BCAS3: variants seen among roughly 807,000 people sequenced by gnomAD.
The protein encoded by BCAS3 is BCAS3 microtubule associated cell migration factor, also known as BCAS4/BCAS3 fusion.
Under a neutral mutation model 116.1 loss-of-function variants are expected in BCAS3, and 53 were observed. The ratio of observed to expected loss-of-function variants is 0.46; its 90% CI spans 0.37 to 0.57. The LOEUF (loss-of-function observed/expected upper bound fraction) is 0.57. Ranked by LOEUF, BCAS3 falls within the 20% of genes least tolerant of loss-of-function variation. BCAS3 has a pLI of 0.00. For missense variants in BCAS3, 917 were observed against 1,165.4 expected, an observed-to-expected ratio of 0.79 and a Z score of 3.10; for synonymous variants, 391 against 408.2, an observed-to-expected ratio of 0.96 and a Z score of 0.51.
intron 22 of BCAS3, among the ~76,000 whole-genome samples, chr17:61,154,610 CTT>C (rs1294604736): frequency 1.3e-5 from 2 of 151,774 alleles, no homozygotes; most frequent in Non-Finnish European, 2.9e-5. Flanking sequence ...AATTTTTTTA[CTT>C]TTTATTTTTT....
intron 22 of BCAS3, among the ~76,000 whole-genome samples, chr17:61,345,721 G>A (rs1434331163): frequency 2.0e-5 from 3 of 152,076 alleles, no homozygotes; most frequent in African/African-American, 4.8e-5. Context: ...GACTTAGTGA[G>A]GGTGTTAGAG....
chr17:61,235,939 TCAAA>T lies in BCAS3; in HGVS notation c.2426-132383_2426-132380del, dbSNP rs907391204. On this transcript the variant is annotated intron_variant, in intron 22 of 23. Transcript: ENST00000407086. The surrounding 1 kb of genome is among the most constrained non-coding windows in gnomAD (Gnocchi z 5.0). ...TAGCCTGTGCTGTTTTTGAACATAC[TCAAA>T]CAAAGGCTGATTATCCAAACAAGAA... Among the ~76,000 whole-genome samples the T allele has an allele frequency of 2.0e-5, 3 of 152,222 alleles. No homozygotes were observed. The highest frequency in any genetic ancestry group is 2.9e-5 in the Non-Finnish European group (2 of 68,040).
At chr17:60,978,444 T>C (rs56337808) in intron 14 of BCAS3, among the ~76,000 whole-genome samples, 8,389 of 147,876 alleles carry the variant, frequency 0.057, 746 homozygotes, top group African/African-American at 0.2. Context: ...TTCTCCCATT[T>C]TGTAGGTTGC....
At chr17:60,819,750 C>A (rs2049760956) in intron 7 of BCAS3, among the ~76,000 whole-genome samples, 1 of 151,978 alleles carries the variant, frequency 6.6e-6, no homozygotes, top group East Asian at 1.9e-4. Context: ...CTACCCTCCC[C>A]CTCTCCTTCC....
At position 61,139,306 on chromosome 17, in the gene BCAS3, CTTT is replaced by C. The variant is rs2143925767; in HGVS notation, c.2425+54743_2425+54745del. ...TTTTTCTTCATTTCCTGATTTGCTT[CTTT>C]AAGGAAGTGCGAGAAGGTTAAAGAT... On this transcript the variant is annotated intron_variant, in intron 22 of 23. Coordinates refer to ENST00000407086, the MANE Select transcript of BCAS3 (RefSeq NM_017679.5). This position sits in a 1 kb window ranked among gnomAD's most constrained non-coding sequence, Gnocchi z 4.7. Among the ~76,000 whole-genome samples the C allele has an allele frequency of 6.6e-6, 1 of 152,212 alleles. No homozygotes were observed. Among genetic ancestry groups the C allele is most frequent in the Admixed American group, 6.5e-5 (1 of 15,288 alleles).
At chr17:61,290,828 T>G (rs536933727) in intron 22 of BCAS3, among the ~76,000 whole-genome samples, 1 of 152,280 alleles carries the variant, frequency 6.6e-6, no homozygotes, top group South Asian at 2.1e-4. Context: ...TTGCCCAGGC[T>G]GGAGTGCAGT....
At position 61,282,282 on chromosome 17, in the gene BCAS3, T is replaced by C. The variant is rs1442381271; in HGVS notation, c.2426-86045T>C. On this transcript the variant is annotated intron_variant, in intron 22 of 23. Coordinates refer to ENST00000407086, the MANE Select transcript of BCAS3 (RefSeq NM_017679.5). This position sits in a 1 kb window ranked among gnomAD's most constrained non-coding sequence, Gnocchi z 5.9. The stretch of plus-strand genomic sequence containing the variant: ...GCTCATAAATGTGGGGTTTTCTTTA[T>C]TGCTTCTTTGGGAATACCTTACCGA... Among the ~76,000 whole-genome samples, 2 of 152,242 alleles carry C rather than the reference T, an allele frequency of 1.3e-5. No homozygotes were observed. Among genetic ancestry groups the C allele is most frequent in the Non-Finnish European group, 2.9e-5 (2 of 68,052 alleles).
intron 5 of BCAS3, among the ~76,000 whole-genome samples, chr17:60,739,924 T>G (rs1250135973): frequency 2.0e-5 from 3 of 152,030 alleles, no homozygotes; most frequent in Non-Finnish European, 4.4e-5. Context: ...CTTCACTCTC[T>G]TCTTGCTTGC....
chr17:60,997,301 A>T (rs2063907945), intron 15 of BCAS3, among the ~76,000 whole-genome samples: 1 of 152,190 alleles, frequency 6.6e-6, no homozygotes, highest in Admixed American at 6.5e-5. Flanking sequence ...CCTTGTGTAA[A>T]AGACATATGT....
intron 22 of BCAS3, among the ~76,000 whole-genome samples, chr17:61,271,929 C>T (rs1037878550): frequency 6.7e-6 from 1 of 149,310 alleles, no homozygotes; most frequent in African/African-American, 2.6e-5. Flanking sequence ...TCTGCCGCAG[C>T]TTCTCAAGTT....
intron 22 of BCAS3, among the ~76,000 whole-genome samples, chr17:61,306,747 T>C (rs1441861177): frequency 2.2e-4 from 34 of 152,124 alleles, no homozygotes; most frequent in Admixed American, 2.2e-3. Flanking sequence ...TGAGCTGTGA[T>C]TGCACCACTG....
intron 14 of BCAS3, among the ~76,000 whole-genome samples, chr17:60,986,306 G>A (rs1300964341): frequency 6.6e-6 from 1 of 152,164 alleles, no homozygotes; most frequent in Non-Finnish European, 1.5e-5. Flanking sequence ...AAACATGGGA[G>A]TGCAGATATC....
intron 22 of BCAS3, among the ~76,000 whole-genome samples, chr17:61,360,590 CTG>C (rs2058401423): frequency 6.6e-6 from 1 of 152,200 alleles, no homozygotes. Context: ...TAACTCACAT[CTG>C]TCTTTGTCTT....
rs1472665001 is a variant in BCAS3, at chr17:61,379,673, G to C, written c.2593+11179G>C. Reference sequence around the variant, plus strand: ...CACTGCATAAGACATTTTTTAATTTGCTGGCAAAATCCCCCAGCACCAGGC... The same window carrying C: ...CACTGCATAAGACATTTTTTAATTTCCTGGCAAAATCCCCCAGCACCAGGC... On this transcript the variant is annotated intron_variant, in intron 23 of 23. Transcript: ENST00000407086. This position sits in a 1 kb window ranked among gnomAD's most constrained non-coding sequence, Gnocchi z 5.5. 6.6e-6 allele frequency: 1 copy of C among 152,174 alleles called. No individual in the cohort carries two copies. The highest frequency in any genetic ancestry group is 1.9e-4 in the East Asian group (1 of 5,180). 9.4% of individuals were successfully genotyped at this position (152,174 alleles called of 1,614,324 possible).
In BCAS3 at chr17:60,910,660, C is replaced by A; in HGVS notation, c.951C>A (p.Gly317=). The A allele has an allele frequency of 6.2e-6, 10 of 1,612,580 alleles. No homozygotes were observed. Among genetic ancestry groups the A allele is most frequent in the Non-Finnish European group, 8.5e-6 (10 of 1,179,318 alleles). ...SNSRRSPLVP[G]IITVIDTETV... The stretch of plus-strand genomic sequence containing the variant: ...CACGGCGGAGTCCTTTGGTCCCAGG[C>A]ATCATCACAGTTATTGACACCGAAA... The change falls in exon 12 of 24, where the codon GGC becomes GGA. Residue 317 remains glycine (G), a synonymous_variant. Coordinates refer to ENST00000407086, the MANE Select transcript of BCAS3 (RefSeq NM_017679.5).
Position 61,279,724 on chromosome 17 carries a change from T to C in BCAS3, c.2426-88603T>C, listed in dbSNP as rs746081452. ...ACAAACCATGTTTAAAATAGTGGGCTAAGCCACTGGGCCTCCATGGTGAGG... is the reference window on the plus strand; with the variant it reads ...ACAAACCATGTTTAAAATAGTGGGCCAAGCCACTGGGCCTCCATGGTGAGG... On this transcript the variant is annotated intron_variant, in intron 22 of 23. Coordinates refer to ENST00000407086, the MANE Select transcript of BCAS3 (RefSeq NM_017679.5). This position sits in a 1 kb window ranked among gnomAD's most constrained non-coding sequence, Gnocchi z 4.4. 6.6e-6 allele frequency among the ~76,000 whole-genome samples: 1 copy of C among 151,248 alleles called. No individual in the cohort carries two copies. Among genetic ancestry groups the C allele is most frequent in the Non-Finnish European group, 1.5e-5 (1 of 67,930 alleles).
intron 22 of BCAS3, among the ~76,000 whole-genome samples, chr17:61,182,752 ATACAATACG>A (rs2079552655): frequency 1.3e-5 from 2 of 152,256 alleles, no homozygotes; most frequent in South Asian, 4.1e-4. Flanking sequence ...AAATGGAAAC[ATACAATACG>A]TAGTCTTTTG....
chr17:60,845,469 C>T (rs1431492921), intron 7 of BCAS3, among the ~76,000 whole-genome samples: 1 of 152,112 alleles, frequency 6.6e-6, no homozygotes, highest in African/African-American at 2.4e-5. Flanking sequence ...GATAAATTCC[C>T]ATTGCTTATG....
intron 6 of BCAS3, among the ~76,000 whole-genome samples, chr17:60,786,045 G>A (rs2046259906): frequency 6.6e-6 from 1 of 152,212 alleles, no homozygotes; most frequent in South Asian, 2.1e-4. Flanking sequence ...AGAGACTTGA[G>A]CATCTGCAGA....
Sources: gnomAD v4.1 joint callset for allele counts (sites outside exome capture counted in the v4.1 genomes callset) on GRCh38, gnomAD v4.1.1 for gene constraint, Gnocchi (gnomAD v3.1) non-coding constraint, MANE v1.5 for transcripts, NCBI Gene and HGNC (gene_info 2026-07-23, HGNC 2026-07-21) for gene names.